SLC22A24: variants seen among roughly 807,000 people sequenced by gnomAD.
The protein encoded by SLC22A24 is steroid transmembrane transporter SLC22A24.
In SLC22A24, 53 loss-of-function variants were observed where a neutral mutation model predicts 49.8. The ratio of observed to expected loss-of-function variants is 1.06; its 90% CI spans 0.85 to 1.34. SLC22A24 has a LOEUF of 1.34. Ranked by LOEUF, SLC22A24 falls within the 40% of genes most tolerant of loss-of-function variation. The pLI is 0.00. For missense variants in SLC22A24, 786 were observed against 675.9 expected (o/e 1.16, Z -1.81); for synonymous variants, 302 against 256.4 (o/e 1.18, Z -1.70).
At chr11:63,132,821 C>T (rs2087346359) in intron 2 of SLC22A24, among the ~76,000 whole-genome samples, 1 of 152,154 alleles carries the variant, frequency 6.6e-6, no homozygotes, top group African/African-American at 2.4e-5. Flanking sequence ...GCTGAGAGAA[C>T]CACTGGTCTC....
intron 5 of SLC22A24, among the ~76,000 whole-genome samples, chr11:63,100,379 C>T (rs1225284663): frequency 6.6e-6 from 1 of 151,966 alleles, no homozygotes; most frequent in African/African-American, 2.4e-5. Context: ...AAGAGCTCTA[C>T]AATGAAAACT....
rs1260877726 is a variant in SLC22A24, at chr11:63,135,153, A to G, written c.403-385T>C. 3.3e-5 allele frequency among the ~76,000 whole-genome samples: 5 copies of G among 152,328 alleles called. No individual in the cohort carries two copies. The East Asian group carries it at 5.8e-4, about 18-fold the overall frequency. On this transcript the variant is annotated intron_variant, in intron 1 of 9. Coordinates refer to ENST00000612278, the MANE Select transcript of SLC22A24 (RefSeq NM_001136506.2). ...CTTCAGGTACAAAAATTTTAAAAAT[A>G]TATAAAACCCCCACAATCTTTCTAA...
intron 2 of SLC22A24, among the ~76,000 whole-genome samples, chr11:63,123,282 CTTAA>C (rs1028402380): frequency 3.3e-5 from 5 of 152,078 alleles, no homozygotes; most frequent in South Asian, 4.1e-4. Flanking sequence ...GGCTGGAAAA[CTTAA>C]TTAATAAGGT....
intron 2 of SLC22A24, among the ~76,000 whole-genome samples, chr11:63,134,030 C>A (rs2087355752): frequency 6.6e-6 from 1 of 152,118 alleles, no homozygotes; most frequent in African/African-American, 2.4e-5. Flanking sequence ...TTTTGTATAA[C>A]CCTTATGTGG....
chr11:63,096,203 C>G (rs2087054082), intron 5 of SLC22A24, 97 bp from the exon 6 acceptor site: 3 of 762,224 alleles, frequency 3.9e-6, no homozygotes, highest in Non-Finnish European at 4.4e-6. Context: ...ATATTGTAAA[C>G]TATCCTCAAG....
At chr11:63,123,083 A>G (rs1366290769) in intron 2 of SLC22A24, among the ~76,000 whole-genome samples, 7 of 152,184 alleles carry the variant, frequency 4.6e-5, no homozygotes, top group Non-Finnish European at 8.8e-5. Context: ...GAAGGAGAAG[A>G]GGCAAAGAGA....
At position 63,104,226 on chromosome 11, in the gene SLC22A24, T is replaced by A. The variant is rs374446472; in HGVS notation, c.903A>T (p.Arg301Ser). 3.2e-6 allele frequency: 5 copies of A among 1,550,828 alleles called. No homozygotes were observed. Among genetic ancestry groups the A allele is most frequent in the East Asian group, 2.4e-5 (1 of 40,902 alleles). The change falls in exon 5 of 10, where the codon AGA becomes AGT. Residue 301 changes from arginine to serine, a missense_variant. By Grantham distance (110) the Arg-to-Ser change is moderately radical. Transcript: ENST00000612278. ...QLDEGLKELR[R>S]VAHINGKKNT... ...TCTTTTTTCCATTTATGTGTGCAAC[T>A]CTTCTAAGCTCCTTTAAGCCCTCAT...
At chr11:63,095,462 A>G (rs1026713106) in intron 6 of SLC22A24, among the ~76,000 whole-genome samples, 1 of 152,222 alleles carries the variant, frequency 6.6e-6, no homozygotes, top group African/African-American at 2.4e-5. Flanking sequence ...GTACACAGAT[A>G]GCATGATTCC....
Position 63,109,640 on chromosome 11 carries a change from G to C in SLC22A24, c.831-5342C>G, listed in dbSNP as rs931967569. On this transcript the variant is annotated intron_variant, in intron 4 of 9. Coordinates refer to ENST00000612278, the MANE Select transcript of SLC22A24 (RefSeq NM_001136506.2). Reference sequence around the variant, plus strand: ...TCATGTGTCTTTTGGCTGCATAAATGTCTTCTTTTGAGAAGTGTCTGTTCA... The same window carrying C: ...TCATGTGTCTTTTGGCTGCATAAATCTCTTCTTTTGAGAAGTGTCTGTTCA... Among the ~76,000 whole-genome samples, 3 of 151,648 alleles carry C rather than the reference G, an allele frequency of 2.0e-5. No individual in the cohort carries two copies. In the East Asian group the frequency reaches 5.8e-4, roughly 29 times the overall value.
At chr11:63,119,428 A>C (rs972197544) in intron 2 of SLC22A24, 93 bp from the exon 3 acceptor site, 1 of 1,229,304 alleles carries the variant, frequency 8.1e-7, no homozygotes, top group Non-Finnish European at 1.1e-6. Context: ...ATTAGGATAA[A>C]TGTTTAACAA....
At chr11:63,119,468 A>C in intron 2 of SLC22A24, 133 bp from the exon 3 acceptor site, 1 of 847,800 alleles carries the variant, frequency 1.2e-6, no homozygotes, top group Non-Finnish European at 1.8e-6. Flanking sequence ...ACCGGGTGGC[A>C]TAATTATATT....
intron 4 of SLC22A24, among the ~76,000 whole-genome samples, chr11:63,105,591 G>A (rs1046290402): frequency 1.1e-4 from 17 of 152,140 alleles, no homozygotes; most frequent in Non-Finnish European, 1.5e-4. Context: ...CCCTTGGCCC[G>A]TTTTGGCCAT....
At position 63,093,096 on chromosome 11, in the gene SLC22A24, C is replaced by T. The variant is rs180956836; in HGVS notation, c.1070+2895G>A. 9.9e-3 allele frequency among the ~76,000 whole-genome samples: 1,506 copies of T among 152,252 alleles called. 29 individuals carry two copies. Among genetic ancestry groups the T allele is most frequent in the African/African-American group, 0.033 (1,360 of 41,548 alleles). Reference sequence around the variant, plus strand: ...CCAACAAACATGAAAAAAAGCTCATCGTCACTGGTCATTAGAGAAATGCAA... The same window carrying T: ...CCAACAAACATGAAAAAAAGCTCATTGTCACTGGTCATTAGAGAAATGCAA... On this transcript the variant is annotated intron_variant, in intron 6 of 9. Transcript: ENST00000612278.
chr11:63,142,044 T>C lies in SLC22A24; in HGVS notation c.402+1334A>G, dbSNP rs547439182. Among the ~76,000 whole-genome samples the C allele has an allele frequency of 9.2e-5, 14 of 152,274 alleles. No homozygotes were observed. In the South Asian group the frequency reaches 2.5e-3, roughly 27 times the overall value. On this transcript the variant is annotated intron_variant, in intron 1 of 9. Transcript: ENST00000612278. ...TGCTTTCCAATCTTTGCTTTTAAAA[T>C]TGGGAATTGTACTCCTCATCCTAGG... is the stretch of plus-strand genomic sequence containing the variant.
rs1345443742 is a variant in SLC22A24 at position 63,134,657 on chromosome 11, A to G, written c.506+8T>C. 6.8e-7 allele frequency: 1 copy of G among 1,461,462 alleles called. No individual in the cohort carries two copies. Among genetic ancestry groups the G allele is most frequent in the Non-Finnish European group, 9.4e-7 (1 of 1,064,634 alleles). 90.5% of individuals were successfully genotyped at this position (1,461,462 alleles called of 1,614,324 possible). ...AAACAGCCCCAAAGAAAGTGAGATG[A>G]CACTCACCTGTCTGAAAGATGGCCA... is the stretch of plus-strand genomic sequence containing the variant. On this transcript the variant is annotated splice_region_variant and intron_variant, in intron 2 of 9. Transcript: ENST00000612278.
rs1227050105 is a variant in SLC22A24, at chr11:63,083,312, G to A, written c.1216C>T (p.Arg406Ter). 2.4e-5 allele frequency: 37 copies of A among 1,560,536 alleles called. No homozygotes were observed. Among genetic ancestry groups the A allele is most frequent in the South Asian group, 3.5e-5 (3 of 84,606 alleles). Reference sequence around the variant, plus strand: ...AACGTGAACAATATCTGGCTTATTCGACGACCCATATGATTCAGTGTCAAA... The same window carrying A: ...AACGTGAACAATATCTGGCTTATTCAACGACCCATATGATTCAGTGTCAAA... ...SLLTLNHMGR[R>*]ISQILFTFPV... Residue 406 changes from arginine (R) to a stop codon, truncating the protein, a stop_gained, in exon 7 of 10, where the codon CGA becomes TGA. Coordinates refer to ENST00000612278, the MANE Select transcript of SLC22A24 (RefSeq NM_001136506.2). LOFTEE classifies it high-confidence loss of function.
In SLC22A24 at chr11:63,128,844, G is replaced by A. The variant is rs1343806118; in HGVS notation, c.506+5821C>T. Reference sequence around the variant, plus strand: ...GCATTCAGGGCCACTACCAGTCTCCGCGTCTTGGTGGTAGTGGTCCCCCAG... The same window carrying A: ...GCATTCAGGGCCACTACCAGTCTCCACGTCTTGGTGGTAGTGGTCCCCCAG... On this transcript the variant is annotated intron_variant, in intron 2 of 9. Coordinates refer to ENST00000612278, the MANE Select transcript of SLC22A24 (RefSeq NM_001136506.2). Among the ~76,000 whole-genome samples the A allele has an allele frequency of 3.3e-5, 5 of 152,180 alleles. No individual in the cohort carries two copies. The South Asian group carries it at 8.3e-4, about 25-fold the overall frequency.
At chr11:63,119,702 G>T (rs897209008) in intron 2 of SLC22A24, among the ~76,000 whole-genome samples, 1 of 152,118 alleles carries the variant, frequency 6.6e-6, no homozygotes, top group Non-Finnish European at 1.5e-5. Context: ...CACTGAGGAG[G>T]GAAATCCAGA....
intron 4 of SLC22A24, among the ~76,000 whole-genome samples, chr11:63,115,134 C>G (rs1281098878): frequency 6.6e-6 from 1 of 152,220 alleles, no homozygotes; most frequent in Non-Finnish European, 1.5e-5. Flanking sequence ...GCTGAAGTTT[C>G]TGCTGCCTTT....
Sources: allele counts gnomAD v4.1 joint callset (sites outside exome capture counted in the v4.1 genomes callset), GRCh38; gene constraint gnomAD v4.1.1; transcripts MANE v1.5; gene names NCBI Gene and HGNC (gene_info 2026-07-23, HGNC 2026-07-21).